The following RLIG1 variants were observed in gnomAD, a reference collection of about 807,000 sequenced individuals.
RLIG1 encodes the protein RNA ligase 1.
chr12:88,041,965 C>T, the RLIG1 span: 1 of 152,130 alleles, frequency 6.6e-6, no homozygotes, highest in Non-Finnish European at 1.5e-5. Context: ...ACAATGCTTA[C>T]AAATCCACAT....
chr12:88,042,983 G>C, the RLIG1 span: 1 of 1,003,902 alleles, frequency 1.0e-6, no homozygotes, highest in Non-Finnish European at 1.4e-6. Context: ...TTATTGCTGT[G>C]GTATTTCTAT....
chr12:88,036,785 T>C, the RLIG1 span, among the ~76,000 whole-genome samples: 3 of 152,238 alleles, frequency 2.0e-5, no homozygotes, highest in Non-Finnish European at 4.4e-5. Flanking sequence ...CACCATGTTC[T>C]TTCCTCGTCA....
chr12:88,049,583 ATAAC>A, the RLIG1 span: 14 of 517,642 alleles, frequency 2.7e-5, no homozygotes, highest in East Asian at 2.4e-4. Flanking sequence ...TACAGTGTAA[ATAAC>A]TAAGTTGTTA....
the RLIG1 span, chr12:88,040,310 C>A: frequency 8.8e-7 from 1 of 1,140,218 alleles, no homozygotes; most frequent in Admixed American, 2.2e-5. Flanking sequence ...ACTTATTTTT[C>A]TTAATCACTT....
chr12:88,046,524 G>A, the RLIG1 span, among the ~76,000 whole-genome samples: 31 of 144,502 alleles, frequency 2.1e-4, no homozygotes, highest in Non-Finnish European at 2.3e-4. Context: ...ACATGAGTGG[G>A]TGCGGCTGTG....
chr12:88,042,872 G>T, the RLIG1 span: 1 of 1,566,630 alleles, frequency 6.4e-7, no homozygotes. Flanking sequence ...CAACAAACAA[G>T]CTGAAAAAAG....
chr12:88,035,663 C>G, the RLIG1 span: 1 of 1,607,054 alleles, frequency 6.2e-7, no homozygotes, highest in East Asian at 2.2e-5. Flanking sequence ...AGCGCTTGGG[C>G]TCCGTGCAGC....
the RLIG1 span, chr12:88,049,846 G>A: frequency 6.4e-6 from 1 of 157,082 alleles, no homozygotes. Context: ...TTTTTATAAA[G>A]TTATTAATAT....
the RLIG1 span, among the ~76,000 whole-genome samples, chr12:88,037,584 C>T: frequency 6.6e-6 from 1 of 152,074 alleles, no homozygotes; most frequent in Non-Finnish European, 1.5e-5. Flanking sequence ...GCTCTACCAC[C>T]CTGGGTTAAA....
At chr12:88,049,346 A>T in the RLIG1 span, 1 of 1,580,908 alleles carries the variant, frequency 6.3e-7, no homozygotes, top group Non-Finnish European at 8.6e-7. Flanking sequence ...TATACTTAAG[A>T]TCTTCAATTT....
At chr12:88,043,062 GGA>G in the RLIG1 span, 1 of 416,758 alleles carries the variant, frequency 2.4e-6, no homozygotes, top group Non-Finnish European at 4.2e-6. Context: ...ATATATAAAA[GGA>G]TATTATTGAA....
At chr12:88,038,074 C>T in the RLIG1 span, among the ~76,000 whole-genome samples, 60 of 152,028 alleles carry the variant, frequency 3.9e-4, no homozygotes, top group Admixed American at 1.2e-3. Context: ...CTAGTTTTAA[C>T]GGTGAAAATT....
chr12:88,035,872 C>G, the RLIG1 span: 1 of 1,506,974 alleles, frequency 6.6e-7, no homozygotes, highest in Non-Finnish European at 8.8e-7. Flanking sequence ...GTAGGTTTCC[C>G]TGGGGAGGTC....
chr12:88,045,266 T>A, the RLIG1 span: 4 of 211,294 alleles, frequency 1.9e-5, no homozygotes, highest in Admixed American at 1.0e-4. Flanking sequence ...GAAAACTTAT[T>A]TTATATAAAA....
At chr12:88,042,199 T>A in the RLIG1 span, 1 of 152,148 alleles carries the variant, frequency 6.6e-6, no homozygotes. Context: ...CAAAATGGAC[T>A]CACAGCTGGA....
At chr12:88,035,919 C>A in the RLIG1 span, 1 of 1,513,236 alleles carries the variant, frequency 6.6e-7, no homozygotes, top group Non-Finnish European at 8.8e-7. Flanking sequence ...GCTCCAGGTT[C>A]TTGTACTTTT....
At chr12:88,042,752 A>T in the RLIG1 span, 22 of 974,664 alleles carry the variant, frequency 2.3e-5, no homozygotes, top group Non-Finnish European at 3.1e-5. Flanking sequence ...TTGTTGACAA[A>T]CTGTATTCTG....
chr12:88,037,841 A>G, the RLIG1 span, among the ~76,000 whole-genome samples: 1 of 152,214 alleles, frequency 6.6e-6, no homozygotes, highest in African/African-American at 2.4e-5. Context: ...TAGAAGTGGC[A>G]TAAGTCTTTT....
At chr12:88,043,743 T>C in the RLIG1 span, 1 of 1,491,116 alleles carries the variant, frequency 6.7e-7, no homozygotes, top group Non-Finnish European at 9.3e-7. Context: ...CTAGTGCAGT[T>C]TTGTGTTTAC....
Sources: gnomAD v4.1 joint callset for allele counts (sites outside exome capture counted in the v4.1 genomes callset) on GRCh38, gnomAD v4.1.1 for gene constraint, MANE v1.5 for transcripts, NCBI Gene and HGNC (gene_info 2026-07-23, HGNC 2026-07-21) for gene names.